SHANK2: variants seen among roughly 807,000 people sequenced by gnomAD.
SHANK2 encodes SH3 and multiple ankyrin repeat domains 2, also known as SH3 and multiple ankyrin repeat domains protein 2.
Under a neutral mutation model 133.7 loss-of-function variants are expected in SHANK2, and 43 were observed. That is an observed-to-expected ratio of 0.32 (90% CI 0.25 to 0.41). The LOEUF (loss-of-function observed/expected upper bound fraction) is 0.41. Ranked by LOEUF, SHANK2 falls within the 10% of genes least tolerant of loss-of-function variation. SHANK2 has a pLI of 1.00. For synonymous variants in SHANK2, 1,017 were observed against 952.8 expected (o/e 1.07, Z -1.24); for missense variants, 1,994 against 2,235.8 (o/e 0.89, Z 2.18).
chr11:70,781,806 T>C (rs1947503102), intron 14 of SHANK2, among the ~76,000 whole-genome samples: 1 of 124,440 alleles, frequency 8.0e-6, no homozygotes, highest in African/African-American at 3.1e-5. Context: ...TAAAGACACA[T>C]GCACACGTAT....
At chr11:70,688,007 A>C (rs1391154230) in intron 15 of SHANK2, among the ~76,000 whole-genome samples, 1 of 152,226 alleles carries the variant, frequency 6.6e-6, no homozygotes, top group Non-Finnish European at 1.5e-5. Flanking sequence ...CCCAGCCCCA[A>C]AGCAGGGGAC....
intron 21 of SHANK2, among the ~76,000 whole-genome samples, chr11:70,496,109 C>T (rs1271424555): frequency 9.9e-5 from 15 of 152,162 alleles, no homozygotes; most frequent in African/African-American, 3.6e-4. Context: ...GGCCGAGGCC[C>T]TGCAGGGGAA....
At chr11:71,116,752 G>A (rs1179143668) in intron 4 of SHANK2, among the ~76,000 whole-genome samples, 3 of 152,150 alleles carry the variant, frequency 2.0e-5, no homozygotes, top group Admixed American at 6.5e-5. Context: ...GTCCTGGGGC[G>A]GATCCCTCCT....
chr11:71,147,128 G>A lies in SHANK2; in HGVS notation c.199C>T (p.Gln67Ter). ...CAGACCACGGGGCTCACCGTCTGCTGCAGGTCATGGATGACCACGCGGATC... is the reference window on the plus strand; with the variant it reads ...CAGACCACGGGGCTCACCGTCTGCTACAGGTCATGGATGACCACGCGGATC... ...LVIRVVIHDL[Q>*]QTKCIRFNPD... The change falls in exon 3 of 26, where the codon CAG becomes TAG. Residue 67 changes from glutamine (Q) to a stop codon, truncating the protein, a stop_gained. Coordinates refer to ENST00000601538, the MANE Select transcript of SHANK2 (RefSeq NM_012309.5). LOFTEE classifies it high-confidence loss of function. 6.5e-7 allele frequency: 1 copy of A among 1,547,652 alleles called. No homozygotes were observed. The highest frequency in any genetic ancestry group is 8.7e-7 in the Non-Finnish European group (1 of 1,146,238).
chr11:71,247,966 C>A (rs1184600647), intron 1 of SHANK2, among the ~76,000 whole-genome samples: 17 of 152,208 alleles, frequency 1.1e-4, no homozygotes, highest in Non-Finnish European at 2.1e-4. Context: ...CTCCTGGCAG[C>A]CCCACAGGCT....
At chr11:70,662,066 C>A in intron 15 of SHANK2, 2 of 490,884 alleles carry the variant, frequency 4.1e-6, no homozygotes, top group Non-Finnish European at 7.5e-6. Context: ...GCGGCCTCAG[C>A]AGCGGCGGCG....
chr11:71,200,995 C>T (rs956210769), intron 2 of SHANK2, among the ~76,000 whole-genome samples: 8 of 152,134 alleles, frequency 5.3e-5, no homozygotes, highest in Non-Finnish European at 1.0e-4. Flanking sequence ...GGGCCTGCCA[C>T]GGGCCCCGAG....
rs552419431 is a variant in SHANK2, at chr11:70,473,721, C to T, written c.4980-282G>A. 1.8e-4 allele frequency: 89 copies of T among 502,888 alleles called. 1 individual carries two copies. The highest frequency in any genetic ancestry group is 1.5e-3 in the South Asian group (76 of 52,086). 31.2% of individuals were successfully genotyped at this position (502,888 alleles called of 1,614,324 possible). A position where few individuals can be genotyped will look rare whatever the true frequency, so the allele number is the denominator to read the frequency against. On this transcript the variant is annotated intron_variant, in intron 25 of 25. Coordinates refer to ENST00000601538, the MANE Select transcript of SHANK2 (RefSeq NM_012309.5). The surrounding 1 kb of genome is among the most constrained non-coding windows in gnomAD (Gnocchi z 5.9). ...TGCCTGTGCTGGGGGGAGCACACCA[C>T]GTCAGCCCACTCACCTGAACTGGGA... is the stretch of plus-strand genomic sequence containing the variant.
intron 14 of SHANK2, among the ~76,000 whole-genome samples, chr11:70,753,021 G>A (rs895956423): frequency 6.6e-6 from 1 of 151,916 alleles, no homozygotes; most frequent in Non-Finnish European, 1.5e-5. Context: ...GCTGAGGCAG[G>A]AGAATCGCTT....
At chr11:70,579,596 G>A (rs1439348899) in intron 17 of SHANK2, among the ~76,000 whole-genome samples, 1 of 152,226 alleles carries the variant, frequency 6.6e-6, no homozygotes, top group Non-Finnish European at 1.5e-5. Context: ...GGCCCCAGGT[G>A]GTGTCTCCCG....
At chr11:70,864,135 G>A (rs1555068545) in intron 11 of SHANK2, 2 of 246,620 alleles carry the variant, frequency 8.1e-6, no homozygotes, top group African/African-American at 4.6e-5. Flanking sequence ...TGGTCACCAA[G>A]GAGGCAAAGG....
At chr11:70,675,686 C>T (rs1555017054) in intron 15 of SHANK2, among the ~76,000 whole-genome samples, 1 of 152,178 alleles carries the variant, frequency 6.6e-6, no homozygotes, top group African/African-American at 2.4e-5. Context: ...ATCTGAGCTG[C>T]TGGGAGGGCA....
At chr11:70,794,081 A>T (rs574877449) in intron 14 of SHANK2, among the ~76,000 whole-genome samples, 17 of 152,128 alleles carry the variant, frequency 1.1e-4, no homozygotes, top group African/African-American at 3.4e-4. Flanking sequence ...AGGAGTTCAA[A>T]ACCAGTCTGG....
chr11:70,636,309 G>A (rs1448021422), intron 17 of SHANK2, among the ~76,000 whole-genome samples: 1 of 152,254 alleles, frequency 6.6e-6, no homozygotes, highest in Non-Finnish European at 1.5e-5. Flanking sequence ...GTGAGCAGAT[G>A]TGTGAGCGTG....
chr11:70,630,591 T>A (rs543705006), intron 17 of SHANK2, among the ~76,000 whole-genome samples: 1 of 152,170 alleles, frequency 6.6e-6, no homozygotes, highest in Admixed American at 6.5e-5. Flanking sequence ...GGGCCCTAAG[T>A]CCACTGGTTG....
At chr11:71,070,867 T>C (rs1590883048) in intron 9 of SHANK2, among the ~76,000 whole-genome samples, 1 of 151,798 alleles carries the variant, frequency 6.6e-6, no homozygotes, top group South Asian at 2.1e-4. Context: ...AGGCCCGAGG[T>C]GGGGAGAGGA....
chr11:70,834,572 A>C (rs540654903), intron 11 of SHANK2, among the ~76,000 whole-genome samples: 2 of 152,346 alleles, frequency 1.3e-5, no homozygotes, highest in African/African-American at 4.8e-5. Flanking sequence ...CAGATCCAAA[A>C]TAGCATCTCT....
At chr11:71,132,368 AG>A (rs1364470041) in intron 3 of SHANK2, among the ~76,000 whole-genome samples, 1 of 152,172 alleles carries the variant, frequency 6.6e-6, no homozygotes, top group Non-Finnish European at 1.5e-5. Context: ...GCCAGCAAAG[AG>A]GGGACGGCTG....
At chr11:70,831,896 TATCATG>T (rs1948732158) in intron 11 of SHANK2, among the ~76,000 whole-genome samples, 1 of 152,210 alleles carries the variant, frequency 6.6e-6, no homozygotes, top group South Asian at 2.1e-4. Flanking sequence ...GCTGACTCTG[TATCATG>T]CCCCCTGCAG....
Sources: gnomAD v4.1 joint callset for allele counts (sites outside exome capture counted in the v4.1 genomes callset) on GRCh38, gnomAD v4.1.1 for gene constraint, Gnocchi (gnomAD v3.1) non-coding constraint, MANE v1.5 for transcripts, NCBI Gene and HGNC (gene_info 2026-07-23, HGNC 2026-07-21) for gene names.